The following ROBO1 variants were observed in gnomAD, a reference collection of about 807,000 sequenced individuals.
ROBO1 encodes the protein roundabout homolog 1.
In ROBO1, 149 loss-of-function variants were observed where a neutral mutation model predicts 195.9. That is an observed-to-expected ratio of 0.76 (90% confidence interval 0.67 to 0.87). ROBO1 has a LOEUF of 0.87. Ranked by LOEUF, ROBO1 falls within the 40% of genes least tolerant of loss-of-function variation. ROBO1 has a pLI of 0.00. For missense variants in ROBO1, 1,933 were observed against 2,068.3 expected, an observed-to-expected ratio of 0.93 and a Z score of 1.27; for synonymous variants, 816 against 733.2, an observed-to-expected ratio of 1.11 and a Z score of -1.82.
intron 28 of ROBO1, among the ~76,000 whole-genome samples, chr3:78,609,154 G>A (rs1018695477): frequency 2.6e-5 from 4 of 152,040 alleles, no homozygotes; most frequent in African/African-American, 9.7e-5. Flanking sequence ...AACATCTATT[G>A]CATGCTTAGT....
chr3:78,849,536 T>C (rs958033192), intron 4 of ROBO1, among the ~76,000 whole-genome samples: 5 of 152,152 alleles, frequency 3.3e-5, no homozygotes, highest in Admixed American at 6.5e-5. Context: ...AGTCTGGAGT[T>C]ATTATAACAA....
intron 3 of ROBO1, among the ~76,000 whole-genome samples, chr3:79,001,048 A>G (rs1373368283): frequency 6.6e-6 from 1 of 151,892 alleles, no homozygotes; most frequent in African/African-American, 2.4e-5. Context: ...GCATGTTCTC[A>G]CTCATAAGTG....
intron 1 of ROBO1, among the ~76,000 whole-genome samples, chr3:79,749,829 G>A (rs1704048993): frequency 6.6e-6 from 1 of 152,234 alleles, no homozygotes; most frequent in South Asian, 2.1e-4. Flanking sequence ...CAGGGGAAGG[G>A]ACCTCATGGA....
chr3:79,099,885 C>T (rs2079643961), intron 3 of ROBO1, among the ~76,000 whole-genome samples: 1 of 151,562 alleles, frequency 6.6e-6, no homozygotes, highest in African/African-American at 2.4e-5. Context: ...ATAACTCAGT[C>T]GTATGTATTA....
At chr3:78,642,602 G>C (rs1305582584) in intron 21 of ROBO1, among the ~76,000 whole-genome samples, 1 of 152,142 alleles carries the variant, frequency 6.6e-6, no homozygotes, top group Non-Finnish European at 1.5e-5. Context: ...GGTTTTCTCT[G>C]CTTTCTTGCT....
chr3:79,605,134 G>A (rs6788819), intron 1 of ROBO1, among the ~76,000 whole-genome samples: 131,183 of 151,978 alleles, frequency 0.86, 56,926 homozygotes, highest in African/African-American at 0.94. Context: ...AATGTTCAAC[G>A]CAGTTTACAG....
At chr3:79,233,708 T>C (rs917983830) in intron 2 of ROBO1, among the ~76,000 whole-genome samples, 21 of 152,146 alleles carry the variant, frequency 1.4e-4, no homozygotes, top group African/African-American at 4.8e-4. Flanking sequence ...CATTGTTCTA[T>C]GTGCTATTTT....
At chr3:79,686,022 C>T (rs1365152695) in intron 1 of ROBO1, among the ~76,000 whole-genome samples, 4 of 152,156 alleles carry the variant, frequency 2.6e-5, no homozygotes, top group Non-Finnish European at 4.4e-5. Flanking sequence ...AGCTTATCCA[C>T]CATGATCAAG....
At chr3:79,171,990 A>G (rs1251118119) in intron 2 of ROBO1, among the ~76,000 whole-genome samples, 1 of 152,152 alleles carries the variant, frequency 6.6e-6, no homozygotes, top group Admixed American at 6.5e-5. Flanking sequence ...AAAATATAAC[A>G]CTACAATATA....
intron 2 of ROBO1, among the ~76,000 whole-genome samples, chr3:79,385,243 T>C (rs926169153): frequency 6.6e-6 from 1 of 152,152 alleles, no homozygotes; most frequent in African/African-American, 2.4e-5. Context: ...ATGTCAATAT[T>C]AGATGGCTTC....
intron 2 of ROBO1, among the ~76,000 whole-genome samples, chr3:79,587,115 C>T (rs906551715): frequency 4.6e-5 from 7 of 151,590 alleles, no homozygotes; most frequent in African/African-American, 1.7e-4. Context: ...CCTTGATTTA[C>T]TAAATACAAG....
At chr3:79,575,423 TATA>T (rs1295560791) in intron 2 of ROBO1, among the ~76,000 whole-genome samples, 8 of 126,562 alleles carry the variant, frequency 6.3e-5, no homozygotes, top group African/African-American at 2.2e-4. Context: ...CAAATATATA[TATA>T]AATATATATA....
intron 2 of ROBO1, among the ~76,000 whole-genome samples, chr3:79,419,375 T>C (rs898555646): frequency 6.6e-6 from 1 of 152,096 alleles, no homozygotes; most frequent in Non-Finnish European, 1.5e-5. Flanking sequence ...GAGTATGACA[T>C]AGTCCAGCCT....
At chr3:79,274,514 C>T (rs1464903860) in intron 2 of ROBO1, among the ~76,000 whole-genome samples, 2 of 151,678 alleles carry the variant, frequency 1.3e-5, no homozygotes, top group African/African-American at 2.4e-5. Context: ...ACTTAGAGGA[C>T]AGTTTATAGC....
At chr3:78,956,371 T>C (rs2041048781) in intron 3 of ROBO1, among the ~76,000 whole-genome samples, 1 of 152,140 alleles carries the variant, frequency 6.6e-6, no homozygotes, top group South Asian at 2.1e-4. Context: ...TACATGCATT[T>C]ATCATTTTGT....
At position 79,081,171 on chromosome 3, in the gene ROBO1, C is replaced by T. The variant is rs116675119; in HGVS notation, c.172+44285G>A. 6.1e-3 allele frequency among the ~76,000 whole-genome samples: 920 copies of T among 151,680 alleles called. 10 individuals carry two copies. The highest frequency in any genetic ancestry group is 0.02 in the African/African-American group (818 of 41,268). ...AGCTTTTAAATGACACATTTTTTTC[C>T]GATAGGATTTTTTTTTTTGCTTTCC... On this transcript the variant is annotated intron_variant, in intron 3 of 30. Transcript: ENST00000464233.
chr3:78,599,012 A>G, intron 30 of ROBO1, 85 bp from the exon 31 acceptor site: 2 of 749,696 alleles, frequency 2.7e-6, no homozygotes, highest in South Asian at 2.4e-5. Flanking sequence ...TATTATTATT[A>G]TAATTTAATG....
At chr3:78,882,057 T>C (rs1297591402) in intron 4 of ROBO1, among the ~76,000 whole-genome samples, 1 of 151,338 alleles carries the variant, frequency 6.6e-6, no homozygotes, top group Non-Finnish European at 1.5e-5. Context: ...AAAAAGCTAA[T>C]AGTATGTAAA....
chr3:78,607,700 C>T (rs1703548234), intron 28 of ROBO1, among the ~76,000 whole-genome samples: 1 of 152,138 alleles, frequency 6.6e-6, no homozygotes, highest in Non-Finnish European at 1.5e-5. Context: ...AGATGCATGC[C>T]TTTGCTCCTC....
Sources: gnomAD v4.1 joint callset for allele counts (sites outside exome capture counted in the v4.1 genomes callset) on GRCh38, gnomAD v4.1.1 for gene constraint, MANE v1.5 for transcripts, NCBI Gene and HGNC (gene_info 2026-07-23, HGNC 2026-07-21) for gene names.